GRIA4: variants seen among roughly 807,000 people sequenced by gnomAD.
GRIA4 encodes glutamate receptor 4.
GRIA4 carries 34 observed loss-of-function variants against 104.0 expected under a neutral mutation model. The observed-to-expected ratio is 0.33, with a 90% CI of 0.25 to 0.44. GRIA4 has a LOEUF of 0.44. Among genes scored for constraint, GRIA4 ranks in the 20% least tolerant of loss-of-function variants. The pLI, the probability that GRIA4 is intolerant of heterozygous loss-of-function variation, is 1.00. For missense variants in GRIA4, 750 were observed against 1,096.5 expected, an observed-to-expected ratio of 0.68 and a Z score of 4.46; for synonymous variants, 386 against 381.9, an observed-to-expected ratio of 1.01 and a Z score of -0.13.
intron 5 of GRIA4, among the ~76,000 whole-genome samples, chr11:105,881,759 G>C (rs1946070419): frequency 6.6e-6 from 1 of 151,860 alleles, no homozygotes; most frequent in African/African-American, 2.4e-5. Flanking sequence ...ACACAAATTT[G>C]TACGTGCATT....
rs146841671 is a variant in GRIA4 at position 105,829,094 on chromosome 11, T to TACACACACACACACACAC, written c.488-32917_488-32916insCACACACACACACACACA. 9.5e-3 allele frequency among the ~76,000 whole-genome samples: 1,435 copies of TACACACACACACACACAC among 151,098 alleles called. 26 individuals are homozygous for TACACACACACACACACAC. The highest frequency in any genetic ancestry group is 0.032 in the African/African-American group (1,303 of 41,068). On this transcript the variant is annotated intron_variant, in intron 4 of 16. Transcript: ENST00000282499. ...ATTGTGTGCTATATCCAGTGATGTA[T>TACACACACACACACACAC]ACACACACACACAAATAGACTGATA...
intron 4 of GRIA4, among the ~76,000 whole-genome samples, chr11:105,822,290 T>G (rs1396848809): frequency 6.6e-6 from 1 of 152,112 alleles, no homozygotes; most frequent in Non-Finnish European, 1.5e-5. Context: ...AGTGGCTCTT[T>G]GAGTAAAAGA....
chr11:105,833,010 T>A lies in GRIA4; in HGVS notation c.488-29014T>A, dbSNP rs1379322266. Among the ~76,000 whole-genome samples, 8 of 152,128 alleles carry A rather than the reference T, an allele frequency of 5.3e-5. No individual in the cohort carries two copies. In the East Asian group the frequency reaches 1.6e-3, roughly 30 times the overall value. On this transcript the variant is annotated intron_variant, in intron 4 of 16. Coordinates refer to ENST00000282499, the MANE Select transcript of GRIA4 (RefSeq NM_000829.4). ...AATCCCAAATTTATGTGACTGTAAA[T>A]CATCTTTTTTTATAATTTATCATTA...
chr11:105,721,924 T>G (rs1284375192), intron 3 of GRIA4, among the ~76,000 whole-genome samples: 1 of 152,292 alleles, frequency 6.6e-6, no homozygotes, highest in East Asian at 1.9e-4. Context: ...TTTTCTTGAC[T>G]ATAATGGTAG....
At chr11:105,821,843 T>C (rs988352637) in intron 4 of GRIA4, among the ~76,000 whole-genome samples, 9 of 152,286 alleles carry the variant, frequency 5.9e-5, no homozygotes, top group African/African-American at 1.9e-4. Context: ...TAACACATTA[T>C]GCCAGTAACT....
At position 105,644,458 on chromosome 11, in the gene GRIA4, G is replaced by T. The variant is rs1255425476; in HGVS notation, c.247+32024G>T. ...GATACAAAAAAAAAAAAAAAAATTAGCCTGGTGTGGTGATAGGCGCCTGTA... is the reference window on the plus strand; with the variant it reads ...GATACAAAAAAAAAAAAAAAAATTATCCTGGTGTGGTGATAGGCGCCTGTA... On this transcript the variant is annotated intron_variant, in intron 3 of 16. Transcript: ENST00000282499. 1.5e-4 allele frequency among the ~76,000 whole-genome samples: 22 copies of T among 147,966 alleles called. No homozygotes were observed. In the Admixed American group the frequency reaches 1.5e-3, roughly 10 times the overall value.
chr11:105,742,846 C>T (rs1939400284), intron 3 of GRIA4, among the ~76,000 whole-genome samples: 1 of 152,060 alleles, frequency 6.6e-6, no homozygotes, highest in African/African-American at 2.4e-5. Context: ...AAGCGATTCT[C>T]CTGCCTAAGC....
chr11:105,921,474 C>T (rs965842079), intron 11 of GRIA4, among the ~76,000 whole-genome samples: 1 of 152,154 alleles, frequency 6.6e-6, no homozygotes, highest in Admixed American at 6.6e-5. Context: ...AATGCACATG[C>T]AACATCCCCG....
chr11:105,612,720 T>C, intron 3 of GRIA4: 2 of 294,250 alleles, frequency 6.8e-6, no homozygotes, highest in Non-Finnish European at 6.2e-6. Flanking sequence ...TCAAGTTAAA[T>C]TTTCCTTTAA....
intron 3 of GRIA4, among the ~76,000 whole-genome samples, chr11:105,626,623 G>A (rs1202189396): frequency 6.6e-6 from 1 of 152,062 alleles, no homozygotes; most frequent in Non-Finnish European, 1.5e-5. Context: ...TTTCATTAAA[G>A]CATTACCTAG....
At chr11:105,813,336 T>C (rs73554225) in intron 4 of GRIA4, among the ~76,000 whole-genome samples, 116 of 152,300 alleles carry the variant, frequency 7.6e-4, no homozygotes, top group African/African-American at 2.6e-3. Context: ...TTAATTTGTT[T>C]CATATTTAGC....
chr11:105,943,812 C>T (rs1236151938), intron 14 of GRIA4, among the ~76,000 whole-genome samples: 1 of 152,038 alleles, frequency 6.6e-6, no homozygotes, highest in African/African-American at 2.4e-5. Flanking sequence ...TTTTTCCCCC[C>T]ATTTTAAGCA....
At chr11:105,639,083 A>T (rs1445353235) in intron 3 of GRIA4, among the ~76,000 whole-genome samples, 1 of 152,150 alleles carries the variant, frequency 6.6e-6, no homozygotes, top group African/African-American at 2.4e-5. Flanking sequence ...CCAAAAATGC[A>T]TCTTATTTCC....
intron 14 of GRIA4, among the ~76,000 whole-genome samples, chr11:105,957,405 A>G (rs1948618977): frequency 6.6e-6 from 1 of 152,146 alleles, no homozygotes; most frequent in Non-Finnish European, 1.5e-5. Context: ...AGGTTTGTCA[A>G]AGATCAGATA....
At chr11:105,675,824 C>T (rs752810310) in intron 3 of GRIA4, among the ~76,000 whole-genome samples, 11 of 151,770 alleles carry the variant, frequency 7.2e-5, no homozygotes, top group Non-Finnish European at 1.3e-4. Flanking sequence ...TCTTAAATTA[C>T]ATATTTTGAT....
Position 105,660,359 on chromosome 11 carries a change from A to C in GRIA4, c.247+47925A>C, listed in dbSNP as rs1018163311. 1.5e-4 allele frequency among the ~76,000 whole-genome samples: 23 copies of C among 151,660 alleles called. 1 individual carries two copies. The highest frequency in any genetic ancestry group is 4.1e-4 in the African/African-American group (17 of 41,364). ...AGCAGAATTCTCATAAAAAGTATTG[A>C]ATGTCCAATATCAGACTAAGAATGA... On this transcript the variant is annotated intron_variant, in intron 3 of 16. Coordinates refer to ENST00000282499, the MANE Select transcript of GRIA4 (RefSeq NM_000829.4).
intron 3 of GRIA4, among the ~76,000 whole-genome samples, chr11:105,626,587 T>C (rs1282170607): frequency 6.6e-6 from 1 of 152,130 alleles, no homozygotes; most frequent in Non-Finnish European, 1.5e-5. Flanking sequence ...ACCCCATGAA[T>C]GTAGGAAAAC....
intron 14 of GRIA4, among the ~76,000 whole-genome samples, chr11:105,948,031 C>G (rs181036274): frequency 3.3e-5 from 5 of 152,246 alleles, no homozygotes; most frequent in African/African-American, 1.2e-4. Context: ...CAGATGTGAG[C>G]CCCCATGTAT....
At chr11:105,879,006 A>G (rs866579753) in intron 5 of GRIA4, among the ~76,000 whole-genome samples, 1 of 152,202 alleles carries the variant, frequency 6.6e-6, no homozygotes, top group South Asian at 2.1e-4. Flanking sequence ...CTTGAAACCC[A>G]AAGTCCTGGT....
Sources: gnomAD v4.1 joint callset for allele counts (sites outside exome capture counted in the v4.1 genomes callset) on GRCh38, gnomAD v4.1.1 for gene constraint, MANE v1.5 for transcripts, NCBI Gene and HGNC (gene_info 2026-07-23, HGNC 2026-07-21) for gene names.